OCSTAMP: variants seen among roughly 807,000 people sequenced by gnomAD.
The protein encoded by OCSTAMP is osteoclast stimulatory transmembrane protein.
OCSTAMP carries 17 observed loss-of-function variants against 25.2 expected under a neutral mutation model. The observed-to-expected ratio is 0.68, with a 90% CI of 0.46 to 1.01. The LOEUF (loss-of-function observed/expected upper bound fraction) is 1.01. OCSTAMP is among the 50% of genes least tolerant of loss of function. The pLI is 0.00. For missense variants in OCSTAMP, 664 were observed against 694.6 expected (o/e 0.96, Z 0.50); for synonymous variants, 345 against 318.9 (o/e 1.08, Z -0.87).
rs1279567534 is a variant in OCSTAMP, at chr20:46,545,210, A to C, written c.1047+117T>G. 4 of 1,140,136 alleles carry C rather than the reference A, an allele frequency of 3.5e-6. No homozygotes were observed. In the African/African-American group the frequency reaches 6.3e-5, roughly 18 times the overall value. The allele number at this position is 1,140,136 out of a possible 1,614,324, so 70.6% of individuals were successfully genotyped here. On this transcript the variant is annotated intron_variant, in intron 2 of 2. Coordinates refer to ENST00000279028, the MANE Select transcript of OCSTAMP (RefSeq NM_080721.3). The stretch of plus-strand genomic sequence containing the variant: ...CCCATGGTATGGGGCCCCATGGATG[A>C]TTCAAGGGCTGTTTCTTGGAGGCAA...
In OCSTAMP at chr20:46,541,575, G is replaced by A. The variant is rs1430662916; in HGVS notation, c.1400C>T (p.Ser467Phe). The A allele has an allele frequency of 6.4e-7, 1 of 1,551,686 alleles. No homozygotes were observed. The highest frequency in any genetic ancestry group is 1.2e-5 in the South Asian group (1 of 84,062). The change falls in exon 3 of 3, where the codon TCT becomes TTT. Residue 467 changes from serine to phenylalanine, a missense_variant. By Grantham distance (155) the Ser-to-Phe change is radical (BLOSUM62 -2). Transcript: ENST00000279028. ...QGQQLPLGDPSCVPTPRPACK... is the reference protein window; with the variant it reads ...QGQQLPLGDPFCVPTPRPACK... ...GGCAGGTCTGGGTGTGGGGACGCAA[G>A]AAGGATCCCCTAGGGGCAGCTGCTG...
chr20:46,547,270 C>T (rs975165040), intron 1 of OCSTAMP, among the ~76,000 whole-genome samples: 1 of 152,140 alleles, frequency 6.6e-6, no homozygotes, highest in Non-Finnish European at 1.5e-5. Flanking sequence ...GAGCTTTTGA[C>T]GACGTGGTTG....
At chr20:46,546,705 G>A (rs1280222024) in intron 1 of OCSTAMP, among the ~76,000 whole-genome samples, 1 of 152,126 alleles carries the variant, frequency 6.6e-6, no homozygotes, top group Non-Finnish European at 1.5e-5. Flanking sequence ...TGAGTAAGAG[G>A]AGAGAGAAGA....
Position 46,545,727 on chromosome 20 carries a change from G to C in OCSTAMP, c.647C>G (p.Ser216Cys). Residue 216 changes from serine to cysteine, a missense_variant, in exon 2 of 3, where the codon TCC (serine) becomes TGC (cysteine). Physicochemically the swap from Ser to Cys is moderately radical, Grantham distance 112. Coordinates refer to ENST00000279028, the MANE Select transcript of OCSTAMP (RefSeq NM_080721.3). ...QVLEDFSGLESLARAAALGTQ... is the reference protein window; with the variant it reads ...QVLEDFSGLECLARAAALGTQ... The stretch of plus-strand genomic sequence containing the variant: ...CCCTAGCGCTGCTGCCCGGGCCAGG[G>C]ACTCCAGGCCAGAGAAATCCTCCAG... 6.4e-7 allele frequency: 1 copy of C among 1,551,600 alleles called. No homozygotes were observed. The highest frequency in any genetic ancestry group is 2.0e-5 in the Admixed American group (1 of 51,002).
In OCSTAMP at chr20:46,545,434, C is replaced by G; in HGVS notation, c.940G>C (p.Ala314Pro). 6.4e-7 allele frequency: 1 copy of G among 1,550,820 alleles called. No individual in the cohort carries two copies. Among genetic ancestry groups the G allele is most frequent in the Non-Finnish European group, 8.7e-7 (1 of 1,146,658 alleles). ...ACATGGTCTGTGGCCACCGCCACAG[C>G]CGTGGCCACGAGGAGCAGGGCAAGC... ...GLLALLLVAT[A>P]VAVATDHVAF... Residue 314 changes from alanine to proline, a missense_variant, in exon 2 of 3, where the codon GCT becomes CCT. Ala to Pro is a conservative substitution (Grantham distance 27). Coordinates refer to ENST00000279028, the MANE Select transcript of OCSTAMP (RefSeq NM_080721.3).
chr20:46,548,207 G>C (rs1461598083), intron 1 of OCSTAMP, among the ~76,000 whole-genome samples: 2 of 152,142 alleles, frequency 1.3e-5, no homozygotes, highest in African/African-American at 4.8e-5. Context: ...CAACCTTTCT[G>C]TGTCTCAGCT....
rs1230842110 is a variant in OCSTAMP, at chr20:46,546,108, C to T, written c.266G>A (p.Gly89Asp). Residue 89 changes from glycine (G) to aspartate (D), a missense_variant, in exon 2 of 3, where the codon GGC (glycine) becomes GAC (aspartate). Gly to Asp is a moderately conservative substitution (Grantham distance 94). Transcript: ENST00000279028. ...GCCCAGGCTCAGGAAGACCAGGAGG[C>T]CACAGACAGTGGCAACCATGGCTGA... Reference protein sequence around the residue: ...GPSAMVATVCGLLVFLSLGLV... With the variant: ...GPSAMVATVCDLLVFLSLGLV... The T allele has an allele frequency of 6.4e-7, 1 of 1,551,746 alleles. No homozygotes were observed. The highest frequency in any genetic ancestry group is 1.2e-5 in the South Asian group (1 of 84,060).
intron 1 of OCSTAMP, among the ~76,000 whole-genome samples, chr20:46,549,326 T>C (rs1027118580): frequency 6.6e-6 from 1 of 152,236 alleles, no homozygotes; most frequent in Non-Finnish European, 1.5e-5. Context: ...AATGTTTCAC[T>C]CGAGTCTCCT....
intron 1 of OCSTAMP, among the ~76,000 whole-genome samples, chr20:46,549,829 T>TGTGTGTGTGTGTGTGTGTGTGTGTGTGTG (rs2061865089): frequency 6.6e-6 from 1 of 151,900 alleles, no homozygotes; most frequent in Non-Finnish European, 1.5e-5. Context: ...TGTGTGTGTG[T>TGTGTGTGTGTGTGTGTGTGTGTGTGTGTG]AAGCTGCCCC....
rs746246557 is a variant in OCSTAMP, at chr20:46,545,630, G to A, written c.744C>T (p.Tyr248=). 1.7e-5 allele frequency: 27 copies of A among 1,551,590 alleles called. No homozygotes were observed. The highest frequency in any genetic ancestry group is 2.4e-5 in the Non-Finnish European group (27 of 1,147,012). ...TATTGTCAAACCGCAGGTCTGTCAG[G>A]TAGCAATGGAGGTACCATGCCGACT... The part of the protein sequence containing the change: ...LVESAWYLHC[Y]LTDLRFDNIY... The change falls in exon 2 of 3, where the codon TAC becomes TAT. Residue 248 remains tyrosine (Y), a synonymous_variant. Transcript: ENST00000279028.
Position 46,545,449 on chromosome 20 carries a change from G to T in OCSTAMP, c.925C>A (p.Leu309Ile), listed in dbSNP as rs1265972536. 1 of 1,551,382 alleles carries T rather than the reference G, an allele frequency of 6.4e-7. No homozygotes were observed. The highest frequency in any genetic ancestry group is 2.0e-5 in the Admixed American group (1 of 50,982). The change falls in exon 2 of 3, where the codon CTC becomes ATC. Residue 309 changes from leucine (L) to isoleucine (I), a missense_variant. Physicochemically the swap from Leu to Ile is conservative, Grantham distance 5. Coordinates refer to ENST00000279028, the MANE Select transcript of OCSTAMP (RefSeq NM_080721.3). ...CLLRLGLLAL[L>I]LVATAVAVAT... Reference sequence around the variant, plus strand: ...ACCGCCACAGCCGTGGCCACGAGGAGCAGGGCAAGCAGCCCCAGCCTTAGA... The same window carrying T: ...ACCGCCACAGCCGTGGCCACGAGGATCAGGGCAAGCAGCCCCAGCCTTAGA...
chr20:46,541,984 C>T (rs1045381868), intron 2 of OCSTAMP, 57 bp from the exon 3 acceptor site: 49 of 1,386,602 alleles, frequency 3.5e-5, no homozygotes, highest in Admixed American at 1.4e-4. Flanking sequence ...CACTCCCCAC[C>T]TCTAGGAGAG....
chr20:46,548,803 CT>C (rs2061861153), intron 1 of OCSTAMP, among the ~76,000 whole-genome samples: 1 of 152,160 alleles, frequency 6.6e-6, no homozygotes, highest in South Asian at 2.1e-4. Context: ...ATCCAAGTAC[CT>C]CTGATCCCCT....
At position 46,541,253 on chromosome 20, in the gene OCSTAMP, C is replaced by T. The variant is rs570315394; in HGVS notation, c.*21G>A. 15 of 715,764 alleles carry T rather than the reference C, an allele frequency of 2.1e-5. No individual in the cohort carries two copies. The East Asian group carries it at 3.2e-4, about 15-fold the overall frequency. 44.3% of individuals were successfully genotyped at this position (715,764 alleles called of 1,614,324 possible). On this transcript the variant is annotated 3_prime_UTR_variant, in exon 3 of 3. Coordinates refer to ENST00000279028, the MANE Select transcript of OCSTAMP (RefSeq NM_080721.3). ...CTCTCTCTGCACTCCTTGTCTTCGC[C>T]TTTGCATGGTTCTTTACCGGTTATC...
chr20:46,542,629 A>G (rs2061838251), intron 2 of OCSTAMP, among the ~76,000 whole-genome samples: 1 of 151,062 alleles, frequency 6.6e-6, no homozygotes, highest in South Asian at 2.1e-4. Context: ...CATGTTGCCA[A>G]CTCAGGGATC....
chr20:46,545,388 G>A lies in OCSTAMP; in HGVS notation c.986C>T (p.Ala329Val), dbSNP rs776601561. The A allele has an allele frequency of 1.6e-5, 24 of 1,536,698 alleles. No individual in the cohort carries two copies. Among genetic ancestry groups the A allele is most frequent in the African/African-American group, 9.7e-5 (7 of 72,414 alleles). ...CAACTTCTGAGCCCAGTCCACAGTA[G>A]CCTGTGCCAGGAGGAAGGCTACATG... is the stretch of plus-strand genomic sequence containing the variant. Reference protein sequence around the residue: ...TDHVAFLLAQATVDWAQKLPT... With the variant: ...TDHVAFLLAQVTVDWAQKLPT... The change falls in exon 2 of 3, where the codon GCT (alanine) becomes GTT (valine). Residue 329 changes from alanine to valine, a missense_variant. Ala to Val is a moderately conservative substitution (Grantham distance 64). Transcript: ENST00000279028.
chr20:46,545,218 G>A (rs909792331), intron 2 of OCSTAMP, 109 bp downstream of exon 2: 3 of 1,193,502 alleles, frequency 2.5e-6, no homozygotes, highest in Non-Finnish European at 3.4e-6. Context: ...TGATTCAAGG[G>A]CTGTTTCTTG....
In OCSTAMP at chr20:46,546,281, CTGCAGTGGGGCAA is replaced by C; in HGVS notation, c.80_92del (p.Leu27ArgfsTer19). 6.5e-7 allele frequency: 1 copy of C among 1,550,348 alleles called. No individual in the cohort carries two copies. The highest frequency in any genetic ancestry group is 8.7e-7 in the Non-Finnish European group (1 of 1,146,916). ...GCTGGGAGAAGGCGTCCCAGGCAGCCTGCAGTGGGGCAAGGGCCTTCCAGAACCCCAAGTGCCA... is the reference window on the plus strand; with the variant it reads ...GCTGGGAGAAGGCGTCCCAGGCAGCCGGGCCTTCCAGAACCCCAAGTGCCA... On this transcript the variant is annotated frameshift_variant, in exon 2 of 3. Coordinates refer to ENST00000279028, the MANE Select transcript of OCSTAMP (RefSeq NM_080721.3). LOFTEE classifies it high-confidence loss of function.
At chr20:46,546,452 C>G in intron 1 of OCSTAMP, 123 bp from the exon 2 acceptor site, 1 of 785,630 alleles carries the variant, frequency 1.3e-6, no homozygotes. Flanking sequence ...TTGTAGTTAC[C>G]CAGGTGGACC....
Sources: gnomAD v4.1 joint callset for allele counts (sites outside exome capture counted in the v4.1 genomes callset) on GRCh38, gnomAD v4.1.1 for gene constraint, MANE v1.5 for transcripts, NCBI Gene and HGNC (gene_info 2026-07-23, HGNC 2026-07-21) for gene names.